The following IQCE variants were observed in gnomAD, a reference collection of about 807,000 sequenced individuals.
IQCE encodes the protein IQ domain-containing protein E.
IQCE carries 115 observed loss-of-function variants against 96.0 expected under a neutral mutation model. The observed-to-expected ratio is 1.20, with a 90% CI of 1.03 to 1.40. The LOEUF is 1.40. Ranked by LOEUF, IQCE falls within the 40% of genes most tolerant of loss-of-function variation. IQCE has a pLI of 0.00. For missense variants in IQCE, 1,041 were observed against 909.1 expected, an observed-to-expected ratio of 1.15 and a Z score of -1.87; for synonymous variants, 412 against 371.2, an observed-to-expected ratio of 1.11 and a Z score of -1.26.
intron 3 of IQCE, among the ~76,000 whole-genome samples, chr7:2,569,516 A>G (rs778809996): frequency 2.0e-5 from 3 of 152,062 alleles, no homozygotes; most frequent in East Asian, 3.9e-4. Flanking sequence ...GGAGGGCAGC[A>G]TTTGCCACCC....
At position 2,569,050 on chromosome 7, in the gene IQCE, C is replaced by T. The variant is rs115130019; in HGVS notation, c.130+51C>T. 1,501 of 1,555,902 alleles carry T rather than the reference C, an allele frequency of 9.6e-4. 18 individuals are homozygous for T. In the African/African-American group the frequency reaches 0.018, roughly 19 times the overall value. ...CTCTCACGCCGACGTTCCCTGGTGT[C>T]CTGGAGAGAATGAAGGGTATTTGCT... On this transcript the variant is annotated intron_variant, in intron 3 of 21. Coordinates refer to ENST00000402050, the MANE Select transcript of IQCE (RefSeq NM_152558.5).
rs555349747 is a variant in IQCE, at chr7:2,592,011, C to T, written c.1245-1011C>T. 1.1e-3 allele frequency among the ~76,000 whole-genome samples: 151 copies of T among 138,762 alleles called. 1 individual carries two copies. Among genetic ancestry groups the T allele is most frequent in the African/African-American group, 2.4e-3 (89 of 36,498 alleles). The allele number at this position is 138,762 out of a possible 152,430, so 91.0% of individuals were successfully genotyped here. ...CCTCCCAAAGTGCTGGGATTACAGGCGTGAGCCACCGCACCCGGGCCTGCC... is the reference window on the plus strand; with the variant it reads ...CCTCCCAAAGTGCTGGGATTACAGGTGTGAGCCACCGCACCCGGGCCTGCC... On this transcript the variant is annotated intron_variant, in intron 14 of 21. Coordinates refer to ENST00000402050, the MANE Select transcript of IQCE (RefSeq NM_152558.5).
chr7:2,588,957 G>T (rs141724887), intron 13 of IQCE, among the ~76,000 whole-genome samples: 1 of 152,056 alleles, frequency 6.6e-6, no homozygotes, highest in African/African-American at 2.4e-5. Flanking sequence ...GAGCCACCGC[G>T]CCTGGCCTGG....
chr7:2,587,866 G>T lies in IQCE; in HGVS notation c.1033G>T (p.Glu345Ter), dbSNP rs1783245486. ...SKPRLLRRIV[E>*]LEKKLSVMES... is the part of the protein sequence containing the mutation. ...GCCCCGGCTGCTGAGGCGCATTGTG[G>T]AGCTGGAGAAGGTGAGCGGGCGTCT... The change falls in exon 13 of 22, where the codon GAG becomes TAG. Residue 345 changes from glutamate (E) to a stop codon, truncating the protein, a stop_gained. Transcript: ENST00000402050. LOFTEE classifies it high-confidence loss of function. 1.9e-6 allele frequency: 3 copies of T among 1,614,108 alleles called. No homozygotes were observed. The highest frequency in any genetic ancestry group is 2.5e-6 in the Non-Finnish European group (3 of 1,179,982).
chr7:2,604,354 C>A (rs924221190), intron 18 of IQCE, among the ~76,000 whole-genome samples: 1 of 151,948 alleles, frequency 6.6e-6, no homozygotes, highest in Non-Finnish European at 1.5e-5. Context: ...CAAGTGATCA[C>A]CCTGCCTCAG....
chr7:2,585,372 A>G (rs928290572), intron 11 of IQCE, among the ~76,000 whole-genome samples: 4 of 152,114 alleles, frequency 2.6e-5, no homozygotes, highest in African/African-American at 9.7e-5. Context: ...GTCAATGTAT[A>G]ACCTGGCTAA....
At chr7:2,580,612 C>CA (rs914530355) in intron 8 of IQCE, among the ~76,000 whole-genome samples, 90 of 137,542 alleles carry the variant, frequency 6.5e-4, no homozygotes, top group Middle Eastern at 3.8e-3. Context: ...AACTCTGTCT[C>CA]AAAAAAAAAA....
In IQCE at chr7:2,572,229, G is replaced by C. The variant is rs201421155; in HGVS notation, c.297G>C (p.Trp99Cys). 34 of 1,614,116 alleles carry C rather than the reference G, an allele frequency of 2.1e-5. No individual in the cohort carries two copies. Among genetic ancestry groups the C allele is most frequent in the Non-Finnish European group, 5.9e-6 (7 of 1,179,996 alleles). ...LTQALNSPLTWEHAWTGVPGG... is the reference protein window; with the variant it reads ...LTQALNSPLTCEHAWTGVPGG... The stretch of plus-strand genomic sequence containing the variant: ...AGGCCCTGAACTCACCCCTCACCTG[G>C]GAGCATGCGTGGACTGGCGTCCCCG... The change falls in exon 5 of 22, where the codon TGG becomes TGC. Residue 99 changes from tryptophan (W) to cysteine (C), a missense_variant. By Grantham distance (215) the Trp-to-Cys change is radical. Transcript: ENST00000402050.
intron 1 of IQCE, among the ~76,000 whole-genome samples, chr7:2,565,332 C>T (rs113251316): frequency 0.012 from 1,857 of 152,078 alleles, 50 homozygotes; most frequent in African/African-American, 0.042. Context: ...GTGTGATTTC[C>T]GGTCCTGACT....
intron 13 of IQCE, among the ~76,000 whole-genome samples, chr7:2,588,806 C>T (rs1783347702): frequency 6.6e-6 from 1 of 151,690 alleles, no homozygotes; most frequent in South Asian, 2.1e-4. Context: ...GCTGGGATTA[C>T]AGGTGCCCAC....
In IQCE at chr7:2,594,925, G is replaced by T. The variant is rs1291909895; in HGVS notation, c.1389G>T (p.Leu463Phe). 6.2e-7 allele frequency: 1 copy of T among 1,613,538 alleles called. No homozygotes were observed. The stretch of plus-strand genomic sequence containing the variant: ...CACTTACCAGCAAGCTCCAAGAATT[G>T]CAAGAAATGAAGAAAGAAGAGAAAG... ...IQTLTSKLQE[L>F]QEMKKEEKED... Residue 463 changes from leucine (L) to phenylalanine (F), a missense_variant, in exon 16 of 22, where the codon TTG (leucine) becomes TTT (phenylalanine). Physicochemically the swap from Leu to Phe is conservative, Grantham distance 22. Coordinates refer to ENST00000402050, the MANE Select transcript of IQCE (RefSeq NM_152558.5).
At chr7:2,605,065 G>A (rs1784698709) in intron 19 of IQCE, 74 bp downstream of exon 19, 37 of 1,080,344 alleles carry the variant, frequency 3.4e-5, no homozygotes, top group South Asian at 1.5e-4. Flanking sequence ...CATCGAGAAA[G>A]CGTAGGGCAC....
At position 2,583,719 on chromosome 7, in the gene IQCE, G is replaced by A. The variant is rs186728649; in HGVS notation, c.774+10G>A. 2,014 of 1,450,580 alleles carry A rather than the reference G, an allele frequency of 1.4e-3. 40 individuals carry two copies. The African/African-American group carries it at 0.027, about 19-fold the overall frequency. The allele number at this position is 1,450,580 out of a possible 1,614,324, so 89.9% of individuals were successfully genotyped here. On this transcript the variant is annotated intron_variant, in intron 10 of 21. Transcript: ENST00000402050. ...GACATACTACGAGGAGGTGCGCCGT[G>A]CTGGGCGGCGGAGCGGAGGGCGGGC...
In IQCE at chr7:2,607,214, C is replaced by T. The variant is rs1021405948; in HGVS notation, c.1956C>T (p.Leu652=). ...GGGACGCCTCCTCCCCACCCTTCCT[C>T]GCAGCTCTTCCTGGTAATTTCATTC... ...THGDASSPPF[L]AALPDPSPSG... is the part of the protein sequence containing the mutation. Residue 652 remains leucine, a synonymous_variant, in exon 21 of 22, where the codon CTC becomes CTT. Coordinates refer to ENST00000402050, the MANE Select transcript of IQCE (RefSeq NM_152558.5). 9.3e-6 allele frequency: 15 copies of T among 1,613,770 alleles called. No homozygotes were observed. The highest frequency in any genetic ancestry group is 1.2e-5 in the Non-Finnish European group (14 of 1,179,890).
At chr7:2,606,057 C>G in intron 20 of IQCE, 60 bp downstream of exon 20, 1 of 1,544,232 alleles carries the variant, frequency 6.5e-7, no homozygotes, top group Non-Finnish European at 8.7e-7. Flanking sequence ...GCCCACCGCA[C>G]TGGGCCCGGA....
Position 2,614,519 on chromosome 7 carries a change from T to C in IQCE, c.*4357T>C, listed in dbSNP as rs1489514983. 1 of 152,198 alleles carries C rather than the reference T, an allele frequency of 6.6e-6. No homozygotes were observed. Among genetic ancestry groups the C allele is most frequent in the African/African-American group, 2.4e-5 (1 of 41,446 alleles). 9.4% of individuals were successfully genotyped at this position (152,198 alleles called of 1,614,324 possible). ...TAAGCACCCTTAAAAGCAACAGAAA[T>C]GACGTCTGGAAGCTGAAATGTGAAA... On this transcript the variant is annotated 3_prime_UTR_variant, in exon 22 of 22. Transcript: ENST00000402050.
intron 8 of IQCE, among the ~76,000 whole-genome samples, chr7:2,581,422 T>G (rs1386441473): frequency 6.6e-6 from 1 of 151,936 alleles, no homozygotes; most frequent in Non-Finnish European, 1.5e-5. Flanking sequence ...GCCAGGCTGG[T>G]CTCAAACTCC....
At chr7:2,601,733 A>G in intron 18 of IQCE, 1 of 399,674 alleles carries the variant, frequency 2.5e-6, no homozygotes, top group Non-Finnish European at 4.6e-6. Flanking sequence ...TATTTTTAGG[A>G]GAGACGGGGT....
At chr7:2,595,188 T>G (rs1783928772) in intron 16 of IQCE, among the ~76,000 whole-genome samples, 1 of 152,218 alleles carries the variant, frequency 6.6e-6, no homozygotes, top group African/African-American at 2.4e-5. Context: ...CTTCTCGAAC[T>G]GATATTTGAG....
Sources: gnomAD v4.1 joint callset for allele counts (sites outside exome capture counted in the v4.1 genomes callset) on GRCh38, gnomAD v4.1.1 for gene constraint, MANE v1.5 for transcripts, NCBI Gene and HGNC (gene_info 2026-07-23, HGNC 2026-07-21) for gene names.